NUP210L: variants seen among roughly 807,000 people sequenced by gnomAD.
NUP210L encodes nucleoporin 210 like.
A neutral mutation model predicts 208.5 loss-of-function variants in NUP210L; 74 were observed. That is an observed-to-expected ratio of 0.35 (90% CI 0.29 to 0.43). The LOEUF (loss-of-function observed/expected upper bound fraction) is 0.43, where lower values mean the gene tolerates loss of function less well. NUP210L is among the 20% of genes least tolerant of loss of function. NUP210L has a pLI of 1.00. For missense variants in NUP210L, 1,843 were observed against 2,289.4 expected (o/e 0.81, Z 3.98); for synonymous variants, 780 against 816.9 (o/e 0.95, Z 0.77).
At position 154,072,356 on chromosome 1, in the gene NUP210L, G is replaced by A. The variant is rs546047409; in HGVS notation, c.2362-1891C>T. Among the ~76,000 whole-genome samples the A allele has an allele frequency of 3.4e-4, 37 of 108,274 alleles. 1 individual carries two copies. The South Asian group carries it at 4.0e-3, about 12-fold the overall frequency. The allele number at this position is 108,274 out of a possible 152,430, so 71.0% of individuals were successfully genotyped here. On this transcript the variant is annotated intron_variant, in intron 16 of 39. Transcript: ENST00000368559. The stretch of plus-strand genomic sequence containing the variant: ...TTTTTTTTTTTTTTTTTTTTGAGAC[G>A]GAGTCTCGCTCTGTTGCCCAGGCTA...
Position 153,999,829 on chromosome 1 carries a change from C to T in NUP210L, c.5386+1027G>A, listed in dbSNP as rs528472830. Among the ~76,000 whole-genome samples, 98 of 148,718 alleles carry T rather than the reference C, an allele frequency of 6.6e-4. 1 individual carries two copies. In the South Asian group the frequency reaches 0.017, roughly 26 times the overall value. On this transcript the variant is annotated intron_variant, in intron 37 of 39. Transcript: ENST00000368559. ...TGTTAAACTGACAACTATTCTTTTT[C>T]CTTTTTTTTTTTTTGAGACAGGGTC...
chr1:154,034,005 C>A (rs754335687), intron 27 of NUP210L, among the ~76,000 whole-genome samples: 2 of 152,114 alleles, frequency 1.3e-5, no homozygotes, highest in Non-Finnish European at 2.9e-5. Flanking sequence ...CTCACTGCAA[C>A]CTCTGCCTCC....
exon 15 of NUP210L, chr1:154,094,942 C>A (rs770167202): frequency 1.2e-6 from 2 of 1,613,136 alleles, no homozygotes; most frequent in Non-Finnish European, 1.7e-6. Context: ...TACTTGTTCC[C>A]CTAAATCCAG....
At chr1:154,137,421 G>A (rs1658603635) in intron 6 of NUP210L, among the ~76,000 whole-genome samples, 1 of 151,974 alleles carries the variant, frequency 6.6e-6, no homozygotes, top group Non-Finnish European at 1.5e-5. Context: ...GCATGGTGGT[G>A]CACACCTGTA....
chr1:153,998,742 CAG>C (rs1181024918), intron 37 of NUP210L, among the ~76,000 whole-genome samples: 4 of 127,676 alleles, frequency 3.1e-5, no homozygotes, highest in African/African-American at 6.1e-5. Flanking sequence ...ATTCCTGAGA[CAG>C]GGTCTCGTTT....
intron 16 of NUP210L, among the ~76,000 whole-genome samples, chr1:154,072,611 C>A (rs564407647): frequency 1.3e-5 from 2 of 152,012 alleles, no homozygotes; most frequent in Non-Finnish European, 2.9e-5. Flanking sequence ...GGATTACAGG[C>A]GTGAGCCACC....
rs368774313 is a variant in NUP210L at position 154,077,378 on chromosome 1, A to AAAAAT, written c.2362-6918_2362-6914dup. Among the ~76,000 whole-genome samples the AAAAAT allele has an allele frequency of 1.0e-3, 152 of 152,028 alleles. 1 individual carries two copies. Among genetic ancestry groups the AAAAAT allele is most frequent in the Middle Eastern group, 3.4e-3 (1 of 294 alleles). On this transcript the variant is annotated intron_variant, in intron 16 of 39. Coordinates refer to ENST00000368559, the Ensembl canonical transcript of NUP210L. ...GATACTCTGTCTCAAAAAAATAAAT[A>AAAAAT]AAAATAAAATAAAATAAAATAAAAT...
intron 10 of NUP210L, among the ~76,000 whole-genome samples, chr1:154,123,328 T>C (rs1657711861): frequency 6.6e-6 from 1 of 151,940 alleles, no homozygotes; most frequent in African/African-American, 2.4e-5. Flanking sequence ...GCATTTTTAG[T>C]AGAGATGGAG....
At chr1:154,032,983 GA>G (rs1453636856) in intron 27 of NUP210L, among the ~76,000 whole-genome samples, 3 of 135,234 alleles carry the variant, frequency 2.2e-5, no homozygotes, top group Non-Finnish European at 4.8e-5. Context: ...GAAAAGAAAA[GA>G]AAAGAAAAGA....
intron 34 of NUP210L, among the ~76,000 whole-genome samples, chr1:154,011,931 A>C (rs562434567): frequency 6.6e-6 from 1 of 150,948 alleles, no homozygotes; most frequent in South Asian, 2.1e-4. Flanking sequence ...GCTGGTCTTG[A>C]ACTCCCGACC....
intron 32 of NUP210L, among the ~76,000 whole-genome samples, chr1:154,020,208 T>C (rs1342204655): frequency 2.0e-5 from 3 of 152,190 alleles, no homozygotes; most frequent in Non-Finnish European, 4.4e-5. Context: ...TATGTATCCA[T>C]AGTTACCAGA....
At chr1:154,129,682 C>A (rs935199492) in intron 7 of NUP210L, among the ~76,000 whole-genome samples, 1 of 152,146 alleles carries the variant, frequency 6.6e-6, no homozygotes, top group Non-Finnish European at 1.5e-5. Flanking sequence ...GGAAACAGGA[C>A]GAAGTGGCTC....
At position 154,030,166 on chromosome 1, in the gene NUP210L, A is replaced by G; in HGVS notation, c.3697-112T>C. 17 of 702,238 alleles carry G rather than the reference A, an allele frequency of 2.4e-5. No homozygotes were observed. The South Asian group carries it at 4.9e-4, about 20-fold the overall frequency. 43.5% of individuals were successfully genotyped at this position (702,238 alleles called of 1,614,324 possible). On this transcript the variant is annotated intron_variant, in intron 27 of 39. Coordinates refer to ENST00000368559, the Ensembl canonical transcript of NUP210L. ...TTTTTTAAATTAAAAATAAAAAGTC[A>G]GGAAAGGGTGGGAGGGGGCGAGGGA...
intron 12 of NUP210L, among the ~76,000 whole-genome samples, chr1:154,115,917 G>A (rs1037694977): frequency 9.2e-5 from 14 of 151,970 alleles, no homozygotes; most frequent in African/African-American, 2.7e-4. Context: ...TCAGGAGTTC[G>A]AGATCAGCCT....
intron 10 of NUP210L, among the ~76,000 whole-genome samples, chr1:154,125,712 AG>A (rs1419400307): frequency 9.2e-5 from 4 of 43,404 alleles, no homozygotes; most frequent in African/African-American, 2.5e-4. Flanking sequence ...GAAGGAAGGA[AG>A]GAAGGAAGGA....
intron 16 of NUP210L, among the ~76,000 whole-genome samples, chr1:154,088,414 A>G (rs1242290082): frequency 6.6e-6 from 1 of 152,148 alleles, no homozygotes; most frequent in African/African-American, 2.4e-5. Context: ...CAAATAGTTC[A>G]GGGAAAAAAG....
chr1:154,088,647 A>G (rs979214693), intron 16 of NUP210L, among the ~76,000 whole-genome samples: 1 of 152,216 alleles, frequency 6.6e-6, no homozygotes, highest in Non-Finnish European at 1.5e-5. Flanking sequence ...GTTCTTCATA[A>G]TAAAAGGCAG....
intron 27 of NUP210L, among the ~76,000 whole-genome samples, chr1:154,035,749 G>C (rs1249033003): frequency 6.8e-6 from 1 of 147,110 alleles, no homozygotes; most frequent in Non-Finnish European, 1.5e-5. Flanking sequence ...TTTCTTTTTT[G>C]GGGGGATGGA....
chr1:154,040,130 C>T (rs1652788354), intron 27 of NUP210L: 1 of 152,180 alleles, frequency 6.6e-6, no homozygotes, highest in African/African-American at 2.4e-5. Context: ...TCAAATGATC[C>T]TCCTGCCTTA....
Sources: allele counts gnomAD v4.1 joint callset (sites outside exome capture counted in the v4.1 genomes callset), GRCh38; gene constraint gnomAD v4.1.1; transcripts MANE v1.5; gene names NCBI Gene and HGNC (gene_info 2026-07-23, HGNC 2026-07-21).